The following BTD variants were observed in gnomAD, a reference collection of about 807,000 sequenced individuals.
BTD encodes the protein biocytinase.
Under a neutral mutation model 17.7 loss-of-function variants are expected in BTD, and 13 were observed. The observed-to-expected ratio is 0.74, with a 90% CI of 0.48 to 1.17. The LOEUF is 1.17. Among genes scored for constraint, BTD ranks in the 50% most tolerant of loss-of-function variants. BTD has a pLI of 0.00. For synonymous variants in BTD, 240 were observed against 245.2 expected, an observed-to-expected ratio of 0.98 and a Z score of 0.20; for missense variants, 674 against 650.4, an observed-to-expected ratio of 1.04 and a Z score of -0.39.
At chr3:15,642,420 T>G (rs1039314385) in intron 3 of BTD, among the ~76,000 whole-genome samples, 12 of 152,114 alleles carry the variant, frequency 7.9e-5, no homozygotes, top group African/African-American at 2.7e-4. Context: ...TCAGTTGTAT[T>G]CTTTTCTATG....
chr3:15,668,476 AAAGAT>A (rs1223777790), intron 3 of BTD: 1 of 152,572 alleles, frequency 6.6e-6, no homozygotes, highest in East Asian at 1.9e-4. Flanking sequence ...ATTATAAAGA[AAAGAT>A]GGGGGATTAG....
intron 2 of BTD, among the ~76,000 whole-genome samples, chr3:15,637,799 C>G (rs540327372): frequency 7.2e-5 from 11 of 152,342 alleles, no homozygotes; most frequent in African/African-American, 2.4e-4. Context: ...TGGCAAATGA[C>G]ACACTGAAAC....
rs1470048976 is a variant in BTD at position 15,647,427 on chromosome 3, G to A, written c.*1939G>A. On this transcript the variant is annotated 3_prime_UTR_variant, in exon 4 of 4. Transcript: ENST00000643237. ...GTAAACATCTAATCAGCACCTGCAG[G>A]ATCCTCATTCTGCCCTTCTGGGCAG... 6.6e-6 allele frequency: 1 copy of A among 152,206 alleles called. No individual in the cohort carries two copies. The highest frequency in any genetic ancestry group is 1.9e-4 in the East Asian group (1 of 5,196). 9.4% of individuals were successfully genotyped at this position (152,206 alleles called of 1,614,324 possible).
rs141045349 is a variant in BTD at position 15,649,818 on chromosome 3, C to CT, written c.*4331dup. ...AGCCCTTTCTCATTGAACTATTTAT[C>CT]TGAGTTCCCTCTGCCGGAACATGAG... On this transcript the variant is annotated 3_prime_UTR_variant, in exon 4 of 4. Transcript: ENST00000643237. Among the ~76,000 whole-genome samples, 1,762 of 152,280 alleles carry CT rather than the reference C, an allele frequency of 0.012. 111 individuals are homozygous for CT. Among genetic ancestry groups the CT allele is most frequent in the Admixed American group, 0.087 (1,327 of 15,276 alleles).
chr3:15,632,240 G>A (rs1452662798), intron 1 of BTD, among the ~76,000 whole-genome samples: 3 of 152,158 alleles, frequency 2.0e-5, no homozygotes, highest in Admixed American at 6.5e-5. Context: ...TCTCCTTTGT[G>A]CTTAATCACC....
intron 3 of BTD, among the ~76,000 whole-genome samples, chr3:15,644,082 GC>G (rs1359030212): frequency 6.6e-6 from 1 of 151,720 alleles, no homozygotes; most frequent in Non-Finnish European, 1.5e-5. Context: ...CTCACTGCAA[GC>G]TCCGCCTACT....
At chr3:15,619,513 C>G (rs2064888589) in intron 1 of BTD, among the ~76,000 whole-genome samples, 1 of 152,160 alleles carries the variant, frequency 6.6e-6, no homozygotes, top group Non-Finnish European at 1.5e-5. Flanking sequence ...ATAAATCTCA[C>G]TTAGTCATGG....
chr3:15,694,806 T>G (rs1361684502), intron 3 of BTD: 1 of 1,613,300 alleles, frequency 6.2e-7, no homozygotes, highest in Non-Finnish European at 8.5e-7. Flanking sequence ...TCCTGAGGTT[T>G]CCATTAACTG....
intron 3 of BTD, among the ~76,000 whole-genome samples, chr3:15,691,998 G>A (rs13323511): frequency 0.041 from 6,260 of 151,848 alleles, 421 homozygotes; most frequent in African/African-American, 0.14. Flanking sequence ...AAATAAGCTG[G>A]ACCTGGTGGC....
intron 1 of BTD, among the ~76,000 whole-genome samples, chr3:15,627,245 T>C (rs2065088945): frequency 6.6e-6 from 1 of 152,154 alleles, no homozygotes; most frequent in Non-Finnish European, 1.5e-5. Flanking sequence ...CCAGGACCCA[T>C]TTGCCTGCTT....
chr3:15,696,021 A>G, intron 3 of BTD: 1 of 746,294 alleles, frequency 1.3e-6, no homozygotes, highest in East Asian at 2.7e-5. Context: ...TAAATTCTGA[A>G]AATGTTAAAA....
intron 1 of BTD, among the ~76,000 whole-genome samples, chr3:15,612,092 G>A (rs905702389): frequency 1.3e-5 from 2 of 151,412 alleles, no homozygotes; most frequent in African/African-American, 2.4e-5. Flanking sequence ...GCTTTCTTGA[G>A]CATGCCATTA....
At chr3:15,700,739 A>C (rs2070457238) in intron 3 of BTD, among the ~76,000 whole-genome samples, 1 of 152,118 alleles carries the variant, frequency 6.6e-6, no homozygotes, top group Non-Finnish European at 1.5e-5. Flanking sequence ...GCGCCACTGC[A>C]CTCCAGCCTG....
At chr3:15,622,230 C>T (rs1430941023) in intron 1 of BTD, among the ~76,000 whole-genome samples, 2 of 152,016 alleles carry the variant, frequency 1.3e-5, no homozygotes, top group Non-Finnish European at 2.9e-5. Flanking sequence ...TTTCTAGTTT[C>T]TTGAAGTAAA....
exon 4 of BTD, among the ~76,000 whole-genome samples, chr3:15,712,631 AT>A (rs767075618): frequency 9.2e-5 from 14 of 152,208 alleles, no homozygotes; most frequent in African/African-American, 3.1e-4. Context: ...TCACCCCACC[AT>A]TGAAACATTT....
intron 4 of BTD, among the ~76,000 whole-genome samples, chr3:15,719,474 T>C (rs1466715630): frequency 6.6e-6 from 1 of 152,172 alleles, no homozygotes; most frequent in Non-Finnish European, 1.5e-5. Flanking sequence ...AAAAATCTAA[T>C]AAAATGATTA....
intron 3 of BTD, chr3:15,667,103 T>C (rs1281639534): frequency 1.3e-5 from 2 of 152,160 alleles, no homozygotes; most frequent in African/African-American, 4.8e-5. Context: ...CCCATATAGA[T>C]AGGTTCATTT....
At chr3:15,721,756 T>G (rs928415866) in intron 4 of BTD, among the ~76,000 whole-genome samples, 1 of 152,144 alleles carries the variant, frequency 6.6e-6, no homozygotes, top group Non-Finnish European at 1.5e-5. Flanking sequence ...TTGCTTTTCT[T>G]TTTTTTGAGA....
downstream of BTD, among the ~76,000 whole-genome samples, chr3:15,654,219 G>A (rs1043230266): frequency 6.6e-6 from 1 of 152,222 alleles, no homozygotes; most frequent in Non-Finnish European, 1.5e-5. Flanking sequence ...TTGGGCACTG[G>A]GGCAAGTGAA....
Sources: allele counts gnomAD v4.1 joint callset (sites outside exome capture counted in the v4.1 genomes callset), GRCh38; gene constraint gnomAD v4.1.1; transcripts MANE v1.5; gene names NCBI Gene and HGNC (gene_info 2026-07-23, HGNC 2026-07-21).